SUCLG2: variants seen among roughly 807,000 people sequenced by gnomAD.
SUCLG2 encodes succinate--CoA ligase [GDP-forming] subunit beta, mitochondrial.
In SUCLG2, 42 loss-of-function variants were observed where a neutral mutation model predicts 47.9. The ratio of observed to expected loss-of-function variants is 0.88; its 90% CI spans 0.69 to 1.14. SUCLG2 has a LOEUF of 1.14. Ranked by LOEUF, SUCLG2 falls within the 50% of genes most tolerant of loss-of-function variation. The probability of loss-of-function intolerance (pLI) is 0.00; values close to 1 mark genes in which losing one functional copy is unlikely to be tolerated. For synonymous variants in SUCLG2, 195 were observed against 197.3 expected, an observed-to-expected ratio of 0.99 and a Z score of 0.10; for missense variants, 571 against 525.9, an observed-to-expected ratio of 1.09 and a Z score of -0.84.
downstream of SUCLG2, among the ~76,000 whole-genome samples, chr3:67,371,798 T>A (rs1051045050): frequency 1.3e-5 from 2 of 152,166 alleles, no homozygotes; most frequent in Non-Finnish European, 2.9e-5. Context: ...GACCAGTGGC[T>A]TTTGACTCAG....
chr3:67,373,518 T>C (rs1216194357), downstream of SUCLG2, among the ~76,000 whole-genome samples: 3 of 151,854 alleles, frequency 2.0e-5, no homozygotes, highest in Non-Finnish European at 4.4e-5. Flanking sequence ...AGGTAGTTAA[T>C]ATGTTAAATG....
chr3:67,517,684 C>T (rs1371970034), intron 6 of SUCLG2, among the ~76,000 whole-genome samples: 1 of 152,316 alleles, frequency 6.6e-6, no homozygotes, highest in East Asian at 1.9e-4. Context: ...ATATTTTAAG[C>T]TGTTCTCAAT....
intron 10 of SUCLG2, among the ~76,000 whole-genome samples, chr3:67,398,081 C>A (rs147869407): frequency 0.056 from 8,377 of 149,126 alleles, 1,103 homozygotes; most frequent in African/African-American, 0.19. Flanking sequence ...AAGAAAACCT[C>A]GGCATTACCA....
intron 1 of SUCLG2, among the ~76,000 whole-genome samples, chr3:67,649,860 C>A (rs146319866): frequency 1.3e-5 from 2 of 152,302 alleles, no homozygotes; most frequent in Non-Finnish European, 2.9e-5. Context: ...TATGTAATTT[C>A]TTTTCCTCCC....
At chr3:67,564,316 C>T (rs1239899047) in intron 2 of SUCLG2, among the ~76,000 whole-genome samples, 3 of 152,088 alleles carry the variant, frequency 2.0e-5, no homozygotes, top group South Asian at 4.1e-4. Context: ...AGCTTTCCCC[C>T]CTCCCCTCGC....
At chr3:67,409,918 T>C (rs1661908480) in intron 9 of SUCLG2, among the ~76,000 whole-genome samples, 2 of 152,166 alleles carry the variant, frequency 1.3e-5, no homozygotes, top group Non-Finnish European at 2.9e-5. Flanking sequence ...AAAACAAGGA[T>C]CTGTTTCCTT....
intron 2 of SUCLG2, among the ~76,000 whole-genome samples, chr3:67,564,321 C>A (rs1228349689): frequency 6.6e-6 from 1 of 152,196 alleles, no homozygotes; most frequent in African/African-American, 2.4e-5. Context: ...TCCCCCCTCC[C>A]CTCGCTATTA....
chr3:67,398,199 G>C (rs200499188), intron 10 of SUCLG2, among the ~76,000 whole-genome samples: 1 of 142,636 alleles, frequency 7.0e-6, no homozygotes, highest in Non-Finnish European at 1.6e-5. Context: ...GAGCTTCTGC[G>C]CAGCAAAAGA....
chr3:67,390,890 C>T (rs1335047691), intron 10 of SUCLG2, among the ~76,000 whole-genome samples: 1 of 152,140 alleles, frequency 6.6e-6, no homozygotes, highest in Non-Finnish European at 1.5e-5. Context: ...CCTTTTATTA[C>T]TGTCCTATTT....
intron 7 of SUCLG2, among the ~76,000 whole-genome samples, chr3:67,506,791 A>G (rs150963081): frequency 8.9e-4 from 136 of 152,302 alleles, no homozygotes; most frequent in Non-Finnish European, 2.1e-4. Flanking sequence ...CATTTCTTGG[A>G]TTTAATTGTC....
intron 10 of SUCLG2, among the ~76,000 whole-genome samples, chr3:67,399,385 T>C (rs964688527): frequency 2.0e-5 from 3 of 152,156 alleles, no homozygotes; most frequent in Admixed American, 2.0e-4. Flanking sequence ...TTTCTTGGAA[T>C]AAAGACTGAC....
At chr3:67,395,047 G>A (rs574060374) in intron 10 of SUCLG2, among the ~76,000 whole-genome samples, 4 of 151,978 alleles carry the variant, frequency 2.6e-5, no homozygotes, top group East Asian at 1.9e-4. Flanking sequence ...AGGAACAACC[G>A]GTACCAGCCG....
intron 9 of SUCLG2, among the ~76,000 whole-genome samples, chr3:67,404,510 A>C (rs1245533041): frequency 2.0e-5 from 3 of 152,172 alleles, no homozygotes; most frequent in Admixed American, 2.0e-4. Flanking sequence ...TTCTACAAGA[A>C]GAGCAACAGG....
chr3:67,592,030 G>C (rs1381667354), intron 2 of SUCLG2, among the ~76,000 whole-genome samples: 1 of 152,130 alleles, frequency 6.6e-6, no homozygotes, highest in Non-Finnish European at 1.5e-5. Flanking sequence ...ACTGATCTGA[G>C]TTATCGCTAT....
chr3:67,541,117 C>G (rs764161288), intron 2 of SUCLG2, among the ~76,000 whole-genome samples: 5 of 152,116 alleles, frequency 3.3e-5, no homozygotes, highest in Non-Finnish European at 7.4e-5. Context: ...TACAAAAAGG[C>G]TGAAAATTCC....
intron 2 of SUCLG2, 140 bp from the exon 3 acceptor site, chr3:67,529,326 A>C: frequency 1.6e-6 from 1 of 640,378 alleles, no homozygotes; most frequent in Non-Finnish European, 2.7e-6. Flanking sequence ...AATAAATGCA[A>C]TGAAGAACTT....
chr3:67,428,658 A>G (rs1004008512), intron 9 of SUCLG2, among the ~76,000 whole-genome samples: 1 of 152,224 alleles, frequency 6.6e-6, no homozygotes, highest in African/African-American at 2.4e-5. Flanking sequence ...TCTCCAAGCT[A>G]AAGGAGGACG....
chr3:67,607,647 G>T (rs9811648), intron 2 of SUCLG2, among the ~76,000 whole-genome samples: 73,949 of 151,824 alleles, frequency 0.49, 18,943 homozygotes, highest in African/African-American at 0.64. Flanking sequence ...CACAACAATC[G>T]CCCTTTGATA....
At chr3:67,542,757 C>G (rs912966824) in intron 2 of SUCLG2, among the ~76,000 whole-genome samples, 3 of 152,098 alleles carry the variant, frequency 2.0e-5, no homozygotes, top group Non-Finnish European at 4.4e-5. Flanking sequence ...GGGACCAATG[C>G]AACAAGAAGA....
Sources: allele counts gnomAD v4.1 joint callset (sites outside exome capture counted in the v4.1 genomes callset), GRCh38; gene constraint gnomAD v4.1.1; transcripts MANE v1.5; gene names NCBI Gene and HGNC (gene_info 2026-07-23, HGNC 2026-07-21).